The following PVT1 variants were observed in gnomAD, a reference collection of about 807,000 sequenced individuals.
PVT1 encodes Pvt1 oncogene.
intron 3 of PVT1, among the ~76,000 whole-genome samples, chr8:127,933,051 A>C (rs1330811530): frequency 1.3e-5 from 2 of 152,092 alleles, no homozygotes; most frequent in Non-Finnish European, 2.9e-5. Context: ...GATGGGAATT[A>C]ATTTATTAGC....
At chr8:128,058,950 C>T (rs966473698) in intron 4 of PVT1, among the ~76,000 whole-genome samples, 2 of 152,170 alleles carry the variant, frequency 1.3e-5, no homozygotes, top group South Asian at 2.1e-4. Flanking sequence ...GGGTCTCCTT[C>T]ACTGCTTACT....
intron 4 of PVT1, among the ~76,000 whole-genome samples, chr8:128,022,814 GGACT>G (rs1817453638): frequency 6.6e-6 from 1 of 151,808 alleles, no homozygotes; most frequent in Non-Finnish European, 1.5e-5. Flanking sequence ...ATCTCATTCT[GGACT>G]GACTGTGTCT....
intron 3 of PVT1, among the ~76,000 whole-genome samples, chr8:127,915,218 G>A (rs10099031): frequency 0.067 from 10,133 of 152,064 alleles, 1,008 homozygotes; most frequent in African/African-American, 0.21. Context: ...CTAGACAAAC[G>A]TCACTGATTT....
At chr8:128,022,980 C>T (rs974287932) in intron 4 of PVT1, among the ~76,000 whole-genome samples, 18 of 151,774 alleles carry the variant, frequency 1.2e-4, no homozygotes, top group Admixed American at 5.3e-4. Context: ...AATTCTCTTG[C>T]CTCAGCCTCC....
chr8:127,848,315 G>T (rs1815060460), intron 2 of PVT1, among the ~76,000 whole-genome samples: 1 of 152,184 alleles, frequency 6.6e-6, no homozygotes, highest in Non-Finnish European at 1.5e-5. Context: ...TACTGGGGAG[G>T]CTGAGGCAGG....
chr8:128,044,109 A>G (rs1007941084), intron 4 of PVT1, among the ~76,000 whole-genome samples: 1 of 149,866 alleles, frequency 6.7e-6, no homozygotes, highest in Admixed American at 6.7e-5. Context: ...CCAGGCTCCC[A>G]AAGTGTTGAG....
intron 4 of PVT1, among the ~76,000 whole-genome samples, chr8:128,043,707 G>A (rs2648858): frequency 0.029 from 4,465 of 151,408 alleles, 196 homozygotes; most frequent in African/African-American, 0.095. Context: ...TTGTGTGTCC[G>A]TATGTGTGTG....
rs113114979 is a variant in PVT1, at chr8:127,919,157, C to T, written n.782+28159C>T. 6.6e-5 allele frequency among the ~76,000 whole-genome samples: 10 copies of T among 152,264 alleles called. 1 individual carries two copies. The highest frequency in any genetic ancestry group is 2.2e-4 in the African/African-American group (9 of 41,548). The stretch of plus-strand genomic sequence containing the variant: ...CTGCTAACCAGGGAGCAGTGAAGCC[C>T]GGTTTACTTTTGTTGGCTTGTTTAT... On this transcript the variant is annotated intron_variant and non_coding_transcript_variant, in intron 3 of 10. Coordinates refer to ENST00000651587, the Ensembl canonical transcript of PVT1.
At chr8:127,972,494 C>T (rs571869288) in intron 3 of PVT1, among the ~76,000 whole-genome samples, 13 of 152,214 alleles carry the variant, frequency 8.5e-5, no homozygotes, top group Middle Eastern at 6.8e-3. Flanking sequence ...AATAGCTGTG[C>T]GTTGGGAGAC....
chr8:128,096,313 G>A (rs992637574), intron 5 of PVT1, among the ~76,000 whole-genome samples: 4 of 152,188 alleles, frequency 2.6e-5, no homozygotes, highest in Admixed American at 6.5e-5. Flanking sequence ...GATGGGCAGG[G>A]CCCACAGTTA....
At chr8:128,058,376 GCA>G (rs1813786875) in intron 4 of PVT1, among the ~76,000 whole-genome samples, 2 of 125,012 alleles carry the variant, frequency 1.6e-5, no homozygotes, top group South Asian at 3.3e-4. Context: ...ACAAACTGAT[GCA>G]TGTGTGTGTG....
intron 2 of PVT1, among the ~76,000 whole-genome samples, chr8:127,861,425 A>G (rs1815226678): frequency 6.6e-6 from 1 of 152,236 alleles, no homozygotes. Flanking sequence ...CCTGGCCAAC[A>G]TGGCAAAACC....
chr8:127,892,569 T>C (rs1357958128), intron 3 of PVT1, among the ~76,000 whole-genome samples: 1 of 152,192 alleles, frequency 6.6e-6, no homozygotes, highest in East Asian at 1.9e-4. Flanking sequence ...TGAGGGGCCA[T>C]GTACCTTCCC....
At chr8:127,870,085 C>T (rs896217566) in intron 2 of PVT1, among the ~76,000 whole-genome samples, 31 of 152,000 alleles carry the variant, frequency 2.0e-4, no homozygotes, top group East Asian at 1.7e-3. Flanking sequence ...GTTACAGGCA[C>T]GAGCCACTGT....
At chr8:127,802,625 T>G (rs1351023370) in intron 2 of PVT1, among the ~76,000 whole-genome samples, 2 of 152,254 alleles carry the variant, frequency 1.3e-5, no homozygotes, top group Non-Finnish European at 2.9e-5. Flanking sequence ...TTTTCTAACT[T>G]TATGGCTACT....
chr8:127,990,655 G>A (rs1174766438), intron 4 of PVT1, among the ~76,000 whole-genome samples: 2 of 152,248 alleles, frequency 1.3e-5, no homozygotes, highest in South Asian at 2.1e-4. Flanking sequence ...GCAGAGAACT[G>A]TACTTCTGTT....
At chr8:127,829,925 G>C (rs1201842829) in intron 2 of PVT1, among the ~76,000 whole-genome samples, 1 of 152,174 alleles carries the variant, frequency 6.6e-6, no homozygotes, top group Non-Finnish European at 1.5e-5. Context: ...TCTTGGTTTT[G>C]GTGGTTGCTG....
In PVT1 at chr8:128,042,059, GGTACTGAGTAATCCC is replaced by G. The variant is rs1189474160; in HGVS notation, n.913-28098_913-28084del. ...CTCTTGAAGCCATTTAGCATCTCTT[GGTACTGAGTAATCCC>G]GTTTATTAAAGCATGTGAAGCTTCC... On this transcript the variant is annotated intron_variant and non_coding_transcript_variant, in intron 4 of 10. Coordinates refer to ENST00000651587, the Ensembl canonical transcript of PVT1. 2.0e-5 allele frequency among the ~76,000 whole-genome samples: 3 copies of G among 152,270 alleles called. No individual in the cohort carries two copies. In the East Asian group the frequency reaches 5.8e-4, roughly 29 times the overall value.
intron 4 of PVT1, among the ~76,000 whole-genome samples, chr8:128,010,853 C>T (rs76140439): frequency 0.015 from 2,274 of 152,264 alleles, 55 homozygotes; most frequent in African/African-American, 0.052. Context: ...TTAAAGTTCC[C>T]CAGGGGTTGA....
Sources: gnomAD v4.1 joint callset for allele counts (sites outside exome capture counted in the v4.1 genomes callset) on GRCh38, gnomAD v4.1.1 for gene constraint, MANE v1.5 for transcripts, NCBI Gene and HGNC (gene_info 2026-07-23, HGNC 2026-07-21) for gene names.